Variants in JHY observed in about 807,000 individuals in gnomAD.
JHY encodes junctional cadherin complex regulator.
JHY carries 69 observed loss-of-function variants against 78.0 expected under a neutral mutation model. The ratio of observed to expected loss-of-function variants is 0.88; its 90% CI spans 0.73 to 1.08. JHY has a LOEUF of 1.08. JHY is among the 50% of genes least tolerant of loss of function. The probability of loss-of-function intolerance (pLI) is 0.00; values close to 1 mark genes in which losing one functional copy is unlikely to be tolerated. For synonymous variants in JHY, 368 were observed against 342.6 expected (o/e 1.07, Z -0.82); for missense variants, 944 against 927.8 (o/e 1.02, Z -0.23).
chr11:122,936,904 C>A (rs1565330154), intron 5 of JHY, among the ~76,000 whole-genome samples: 1 of 152,090 alleles, frequency 6.6e-6, no homozygotes, highest in Non-Finnish European at 1.5e-5. Flanking sequence ...CTTTTTGCAT[C>A]CTCTGGGACA....
At chr11:122,907,434 C>T (rs1341602992) in intron 3 of JHY, among the ~76,000 whole-genome samples, 1 of 151,936 alleles carries the variant, frequency 6.6e-6, no homozygotes, top group East Asian at 1.9e-4. Flanking sequence ...TCTCTTCCAT[C>T]ACCTCCAAAC....
intron 5 of JHY, among the ~76,000 whole-genome samples, chr11:122,936,611 A>G (rs1863761951): frequency 6.6e-6 from 1 of 152,094 alleles, no homozygotes. Flanking sequence ...TAATTGAAAC[A>G]TTTCTCCATT....
At position 122,932,243 on chromosome 11, in the gene JHY, C is replaced by T. The variant is rs567295058; in HGVS notation, c.979-2177C>T. The stretch of plus-strand genomic sequence containing the variant: ...AGGCTGCTTGGAAGGTGAGAAAAAT[C>T]GTATCAAGCCCATAAATGGCTTCCT... On this transcript the variant is annotated intron_variant, in intron 4 of 8. Transcript: ENST00000227349. 8.5e-5 allele frequency among the ~76,000 whole-genome samples: 13 copies of T among 152,236 alleles called. No homozygotes were observed. In the East Asian group the frequency reaches 2.5e-3, roughly 29 times the overall value.
intron 2 of JHY, among the ~76,000 whole-genome samples, chr11:122,886,434 C>T (rs921935775): frequency 3.9e-5 from 6 of 152,190 alleles, no homozygotes; most frequent in Middle Eastern, 6.8e-3. Context: ...CATTTACTTC[C>T]TGTCCATATT....
intron 2 of JHY, among the ~76,000 whole-genome samples, chr11:122,894,028 A>G (rs566792302): frequency 2.0e-5 from 3 of 152,288 alleles, no homozygotes; most frequent in East Asian, 1.9e-4. Flanking sequence ...CACTTAAAAT[A>G]TAAGAAACTT....
intron 2 of JHY, among the ~76,000 whole-genome samples, chr11:122,894,663 T>A (rs1378001969): frequency 6.6e-6 from 1 of 152,242 alleles, no homozygotes; most frequent in African/African-American, 2.4e-5. Context: ...TAGATAATTT[T>A]CATTTAACTC....
rs1282654549 is a variant in JHY, at chr11:122,904,060, G to C, written c.480G>C (p.Leu160Phe). 10 of 1,614,138 alleles carry C rather than the reference G, an allele frequency of 6.2e-6. No homozygotes were observed. Among genetic ancestry groups the C allele is most frequent in the Non-Finnish European group, 8.5e-6 (10 of 1,180,012 alleles). Reference sequence around the variant, plus strand: ...ACAGCTCTTTAGAAAATCTGCCTTTGGCTCCCCTCTACCCTTCCCAGGAGA... The same window carrying C: ...ACAGCTCTTTAGAAAATCTGCCTTTCGCTCCCCTCTACCCTTCCCAGGAGA... ...STDSSLENLPLAPLYPSQETS... is the reference protein window; with the variant it reads ...STDSSLENLPFAPLYPSQETS... The change falls in exon 3 of 9, where the codon TTG becomes TTC. Residue 160 changes from leucine (L) to phenylalanine (F), a missense_variant. Transcript: ENST00000227349.
In JHY at chr11:122,924,810, G is replaced by A. The variant is rs573535842; in HGVS notation, c.865-87G>A. 149 of 1,014,250 alleles carry A rather than the reference G, an allele frequency of 1.5e-4. 1 individual carries two copies. The South Asian group carries it at 1.8e-3, about 12-fold the overall frequency. 62.8% of individuals were successfully genotyped at this position (1,014,250 alleles called of 1,614,324 possible). On this transcript the variant is annotated intron_variant, in intron 3 of 8. Coordinates refer to ENST00000227349, the MANE Select transcript of JHY (RefSeq NM_024806.4). Reference sequence around the variant, plus strand: ...AAATAAAACCTAGCCCAGCAGGACCGTTTTCTAGAGTGCACAGACTTGAGT... The same window carrying A: ...AAATAAAACCTAGCCCAGCAGGACCATTTTCTAGAGTGCACAGACTTGAGT...
chr11:122,915,486 T>C (rs563862320), intron 3 of JHY, among the ~76,000 whole-genome samples: 9 of 152,172 alleles, frequency 5.9e-5, no homozygotes, highest in African/African-American at 2.2e-4. Context: ...TTCTTTAAAA[T>C]GAAAAAGGGT....
At chr11:122,957,892 G>A (rs753799411) in intron 8 of JHY, among the ~76,000 whole-genome samples, 17 of 151,598 alleles carry the variant, frequency 1.1e-4, no homozygotes, top group Non-Finnish European at 2.2e-4. Context: ...TTTCTTCCAG[G>A]AATAGTATTT....
At chr11:122,956,398 C>G in intron 6 of JHY, 98 bp from the exon 7 acceptor site, 1 of 962,628 alleles carries the variant, frequency 1.0e-6, no homozygotes, top group Non-Finnish European at 1.5e-6. Flanking sequence ...TCATTATTTT[C>G]TTTCTTACTT....
chr11:122,904,220 A>G lies in JHY; in HGVS notation c.640A>G (p.Ser214Gly). 6.2e-7 allele frequency: 1 copy of G among 1,614,200 alleles called. No individual in the cohort carries two copies. Among genetic ancestry groups the G allele is most frequent in the Non-Finnish European group, 8.5e-7 (1 of 1,180,036 alleles). The change falls in exon 3 of 9, where the codon AGC becomes GGC. Residue 214 changes from serine to glycine, a missense_variant. Ser to Gly is a moderately conservative substitution (Grantham distance 56, BLOSUM62 0). Coordinates refer to ENST00000227349, the MANE Select transcript of JHY (RefSeq NM_024806.4). ...TCGCAGCAAGCCGTTTTCAGAGCTG[A>G]GCGACAGTGACCTGGAGGAGAAGTC... ...ARRSKPFSEL[S>G]DSDLEEKSSS...
intron 2 of JHY, among the ~76,000 whole-genome samples, chr11:122,902,409 G>A (rs1436527539): frequency 6.6e-6 from 1 of 151,884 alleles, no homozygotes; most frequent in African/African-American, 2.4e-5. Flanking sequence ...AGGTTGCAGT[G>A]AGCCAAGGTC....
intron 3 of JHY, among the ~76,000 whole-genome samples, chr11:122,924,660 T>C (rs1267433158): frequency 6.6e-6 from 1 of 152,170 alleles, no homozygotes; most frequent in Non-Finnish European, 1.5e-5. Flanking sequence ...AAGTAAGTAA[T>C]AGTTTGACCT....
intron 6 of JHY, chr11:122,947,656 A>G (rs573392146): frequency 1.3e-5 from 2 of 152,330 alleles, no homozygotes; most frequent in African/African-American, 4.8e-5. Flanking sequence ...GGTTGAAAGC[A>G]ATAAGCCTGT....
At chr11:122,895,377 A>G (rs1025445626) in intron 2 of JHY, among the ~76,000 whole-genome samples, 1 of 152,272 alleles carries the variant, frequency 6.6e-6, no homozygotes, top group Non-Finnish European at 1.5e-5. Flanking sequence ...CTCAACAGGC[A>G]AAATGGCCAG....
Position 122,935,019 on chromosome 11 carries a change from GAAAC to G in JHY, c.1581_1584del (p.Lys527AsnfsTer14). The G allele has an allele frequency of 6.2e-7, 1 of 1,609,146 alleles. No individual in the cohort carries two copies. Among genetic ancestry groups the G allele is most frequent in the Non-Finnish European group, 8.5e-7 (1 of 1,178,806 alleles). The stretch of plus-strand genomic sequence containing the variant: ...ATACTCATGGATCAACCAAAAATAA[GAAAC>G]AACTCAAACAGCCTTATACAGAGAC... On this transcript the variant is annotated frameshift_variant, in exon 5 of 9. Transcript: ENST00000227349. LOFTEE classifies it high-confidence loss of function. The surrounding 1 kb of genome is among the most constrained non-coding windows in gnomAD (Gnocchi z 4.5).
chr11:122,913,657 A>G (rs887711714), intron 3 of JHY, among the ~76,000 whole-genome samples: 2 of 152,080 alleles, frequency 1.3e-5, no homozygotes. Flanking sequence ...TCCTTTTGAG[A>G]TTCAGCTCAT....
At chr11:122,899,784 CA>C (rs1481865776) in intron 2 of JHY, among the ~76,000 whole-genome samples, 2 of 152,154 alleles carry the variant, frequency 1.3e-5, no homozygotes, top group Admixed American at 1.3e-4. Flanking sequence ...AGAAATAAAA[CA>C]AATAGAATTT....
Sources: gnomAD v4.1 joint callset for allele counts (sites outside exome capture counted in the v4.1 genomes callset) on GRCh38, gnomAD v4.1.1 for gene constraint, Gnocchi (gnomAD v3.1) non-coding constraint, MANE v1.5 for transcripts, NCBI Gene and HGNC (gene_info 2026-07-23, HGNC 2026-07-21) for gene names.